Variants in PRKAR1A observed in about 807,000 individuals in gnomAD.
PRKAR1A encodes the protein protein kinase cAMP-dependent type I regulatory subunit alpha.
PRKAR1A carries 3 observed loss-of-function variants against 52.0 expected under a neutral mutation model. That is an observed-to-expected ratio of 0.06 (90% CI 0.03 to 0.15). The LOEUF (loss-of-function observed/expected upper bound fraction) is 0.15. Ranked by LOEUF, PRKAR1A falls within the 10% of genes least tolerant of loss-of-function variation. The pLI, the probability that PRKAR1A is intolerant of heterozygous loss-of-function variation, is 1.00. For synonymous variants in PRKAR1A, 188 were observed against 168.4 expected (o/e 1.12, Z -0.90); for missense variants, 240 against 477.4 (o/e 0.50, Z 4.63).
the PRKAR1A span, among the ~76,000 whole-genome samples, chr17:68,443,987 A>G: frequency 6.6e-6 from 1 of 152,236 alleles, no homozygotes; most frequent in South Asian, 2.1e-4. Flanking sequence ...TTAAATCCCG[A>G]GAATTCAGTA....
chr17:68,428,825 T>C, the PRKAR1A span: 3 of 1,610,670 alleles, frequency 1.9e-6, no homozygotes, highest in Non-Finnish European at 2.5e-6. Context: ...AGCAGTCTCT[T>C]CACCTGTGGG....
chr17:68,437,083 A>T, the PRKAR1A span, among the ~76,000 whole-genome samples: 26 of 151,572 alleles, frequency 1.7e-4, no homozygotes, highest in Non-Finnish European at 3.1e-4. Context: ...CTGAAACAGC[A>T]TCTACTTTTC....
chr17:68,539,993 GA>G, intron 11 of PRKAR1A: 10 of 1,605,284 alleles, frequency 6.2e-6, no homozygotes, highest in Non-Finnish European at 8.5e-6. Flanking sequence ...GACTTAGCTG[GA>G]ACCAGCAGGC....
At chr17:68,501,605 A>G in the PRKAR1A span, among the ~76,000 whole-genome samples, 1 of 152,130 alleles carries the variant, frequency 6.6e-6, no homozygotes, top group Non-Finnish European at 1.5e-5. Context: ...ACACATGTGC[A>G]TAACCATGCC....
intron 11 of PRKAR1A, among the ~76,000 whole-genome samples, chr17:68,545,951 C>T (rs1028051876): frequency 4.6e-5 from 7 of 152,012 alleles, no homozygotes; most frequent in Non-Finnish European, 5.9e-5. Context: ...AGGTGGATCA[C>T]GAGGTCAGGT....
At chr17:68,524,624 G>C (rs2907376) in intron 5 of PRKAR1A, among the ~76,000 whole-genome samples, 53 of 152,180 alleles carry the variant, frequency 3.5e-4, no homozygotes, top group African/African-American at 1.1e-3. Flanking sequence ...TATTTGAGTT[G>C]TTTCTAATGT....
Position 68,532,970 on chromosome 17 carries a change from G to A in PRKAR1A, c.*2521G>A, listed in dbSNP as rs1426675617. 1.9e-6 allele frequency: 2 copies of A among 1,065,796 alleles called. No homozygotes were observed. The highest frequency in any genetic ancestry group is 2.3e-6 in the Non-Finnish European group (2 of 879,694). 66.0% of individuals were successfully genotyped at this position (1,065,796 alleles called of 1,614,324 possible). ...ATCTTGCTTAAAGGGTAATTGAGATGTAGCAGATTTATTTACTTAGTCATG... is the reference window on the plus strand; with the variant it reads ...ATCTTGCTTAAAGGGTAATTGAGATATAGCAGATTTATTTACTTAGTCATG... On this transcript the variant is annotated 3_prime_UTR_variant, in exon 11 of 11. Transcript: ENST00000589228.
intron 11 of PRKAR1A, chr17:68,541,922 C>G: frequency 5.2e-6 from 8 of 1,544,912 alleles, no homozygotes; most frequent in Non-Finnish European, 7.0e-6. Context: ...AGCAACAAGT[C>G]CCTGGTACAG....
chr17:68,489,192 A>G, the PRKAR1A span, among the ~76,000 whole-genome samples: 2 of 26,982 alleles, frequency 7.4e-5, no homozygotes, highest in African/African-American at 2.7e-4. Context: ...GAAAGTATAT[A>G]TATATATATA....
At chr17:68,482,163 C>A in the PRKAR1A span, among the ~76,000 whole-genome samples, 1 of 152,040 alleles carries the variant, frequency 6.6e-6, no homozygotes, top group African/African-American at 2.4e-5. Flanking sequence ...AGATGAGTGG[C>A]GGTGAGTAGG....
At chr17:68,491,638 T>G in the PRKAR1A span, among the ~76,000 whole-genome samples, 1 of 152,026 alleles carries the variant, frequency 6.6e-6, no homozygotes, top group Non-Finnish European at 1.5e-5. Context: ...TTCATATGCT[T>G]GCAAAAAGAG....
the PRKAR1A span, chr17:68,440,822 T>TAA: frequency 6.6e-6 from 1 of 152,220 alleles, no homozygotes. Flanking sequence ...TGTCAAACTT[T>TAA]AGGTAAGTTA....
chr17:68,485,404 G>A, the PRKAR1A span, among the ~76,000 whole-genome samples: 2 of 152,244 alleles, frequency 1.3e-5, no homozygotes, highest in African/African-American at 4.8e-5. Context: ...AAAGAGCAAA[G>A]TAAAAAAGGG....
upstream of PRKAR1A, among the ~76,000 whole-genome samples, chr17:68,510,159 C>CAGAGAGAGAGAG (rs35144524): frequency 0.015 from 1,964 of 127,564 alleles, 52 homozygotes; most frequent in South Asian, 0.024. Flanking sequence ...TATATGTAGA[C>CAGAGAGAGAGAG]AGAGAGAGAG....
In PRKAR1A at chr17:68,532,098, G is replaced by A. The variant is rs1165452464; in HGVS notation, c.*1649G>A. 1 of 1,064,768 alleles carries A rather than the reference G, an allele frequency of 9.4e-7. No homozygotes were observed. Among genetic ancestry groups the A allele is most frequent in the Non-Finnish European group, 1.1e-6 (1 of 878,770 alleles). 66.0% of individuals were successfully genotyped at this position (1,064,768 alleles called of 1,614,324 possible). ...GAAGAGGTTTTATTTACATTTTAGG[G>A]TGGGTAAGAAAGCCACCTTGTTACA... On this transcript the variant is annotated 3_prime_UTR_variant, in exon 11 of 11. Transcript: ENST00000589228.
At chr17:68,444,224 C>T in the PRKAR1A span, among the ~76,000 whole-genome samples, 1,642 of 152,280 alleles carry the variant, frequency 0.011, 27 homozygotes, top group African/African-American at 0.037. Context: ...GTCTACCTTA[C>T]GTGCCTTGAC....
intron 11 of PRKAR1A, among the ~76,000 whole-genome samples, chr17:68,550,127 T>C (rs1486479538): frequency 6.6e-6 from 1 of 152,034 alleles, no homozygotes; most frequent in Non-Finnish European, 1.5e-5. Flanking sequence ...TGATTTGACA[T>C]TCACCCCCAA....
the PRKAR1A span, among the ~76,000 whole-genome samples, chr17:68,467,921 A>C: frequency 1.3e-5 from 2 of 151,926 alleles, no homozygotes; most frequent in East Asian, 3.9e-4. Flanking sequence ...TGGAGACACG[A>C]TCTTGCTCTG....
At chr17:68,469,758 G>C in the PRKAR1A span, among the ~76,000 whole-genome samples, 2 of 151,924 alleles carry the variant, frequency 1.3e-5, no homozygotes, top group South Asian at 4.2e-4. Flanking sequence ...TTGTTTGTAT[G>C]GATTATATCT....
Sources: gnomAD v4.1 joint callset for allele counts (sites outside exome capture counted in the v4.1 genomes callset) on GRCh38, gnomAD v4.1.1 for gene constraint, MANE v1.5 for transcripts, NCBI Gene and HGNC (gene_info 2026-07-23, HGNC 2026-07-21) for gene names.